MTIF3: variants seen among roughly 807,000 people sequenced by gnomAD.
MTIF3 encodes the protein translation initiation factor IF-3, mitochondrial.
A neutral mutation model predicts 20.7 loss-of-function variants in MTIF3; 13 were observed. The ratio of observed to expected loss-of-function variants is 0.63; its 90% CI spans 0.41 to 1.00. The LOEUF (loss-of-function observed/expected upper bound fraction) is 1.00, where lower values mean the gene tolerates loss of function less well. MTIF3 is among the 50% of genes least tolerant of loss of function. The probability of loss-of-function intolerance (pLI) is 0.00; values close to 1 mark genes in which losing one functional copy is unlikely to be tolerated. For synonymous variants in MTIF3, 114 were observed against 112.5 expected, an observed-to-expected ratio of 1.01 and a Z score of -0.08; for missense variants, 295 against 324.5, an observed-to-expected ratio of 0.91 and a Z score of 0.70.
chr13:27,438,130 A>G lies in MTIF3; in HGVS notation c.461-857T>C, dbSNP rs546239932. Among the ~76,000 whole-genome samples the G allele has an allele frequency of 3.9e-5, 6 of 152,264 alleles. No individual in the cohort carries two copies. In the East Asian group the frequency reaches 1.2e-3, roughly 29 times the overall value. On this transcript the variant is annotated intron_variant, in intron 3 of 4. Transcript: ENST00000381120. ...GGGAGGAGGTAGAGAAACTGCATAC[A>G]CTGCTGCTGAGCAGTTTGATCCATT...
In MTIF3 at chr13:27,446,656, G is replaced by A. The variant is rs576041480; in HGVS notation, c.-70-1500C>T. On this transcript the variant is annotated intron_variant, in intron 1 of 4. Transcript: ENST00000381120. ...TGTAATTTAATACATTGACATTCTG[G>A]CTTTGTACATAATTTTAAAAAATAT... Among the ~76,000 whole-genome samples the A allele has an allele frequency of 3.9e-5, 6 of 152,180 alleles. No homozygotes were observed. The South Asian group carries it at 8.3e-4, about 21-fold the overall frequency.
chr13:27,439,711 TCTTCA>T, intron 3 of MTIF3, among the ~76,000 whole-genome samples: 1 of 152,296 alleles, frequency 6.6e-6, no homozygotes, highest in African/African-American at 2.4e-5. Flanking sequence ...GAAAGAGTTC[TCTTCA>T]CTTTGGTTTG....
chr13:27,436,295 ACC>A (rs1953742211), intron 4 of MTIF3, among the ~76,000 whole-genome samples: 1 of 152,140 alleles, frequency 6.6e-6, no homozygotes, highest in Admixed American at 6.5e-5. Flanking sequence ...ACAAATGGAT[ACC>A]TGGGCTCAAG....
intron 2 of MTIF3, among the ~76,000 whole-genome samples, 168 bp downstream of exon 2, chr13:27,444,920 T>C (rs570737156): frequency 1.3e-5 from 2 of 152,344 alleles, no homozygotes; most frequent in African/African-American, 2.4e-5. Flanking sequence ...CTGGTCAATT[T>C]TGGTGTAATT....
chr13:27,438,483 GTTTTTTTT>G (rs61052475), intron 3 of MTIF3, among the ~76,000 whole-genome samples: 48,936 of 106,934 alleles, frequency 0.46, 11,435 homozygotes, highest in South Asian at 0.65. Flanking sequence ...GAGCAAGACT[GTTTTTTTT>G]TTTTTTTTTT....
At chr13:27,449,624 C>A (rs767414459) in intron 1 of MTIF3, among the ~76,000 whole-genome samples, 3 of 152,234 alleles carry the variant, frequency 2.0e-5, no homozygotes, top group Non-Finnish European at 4.4e-5. Context: ...ACACTGAATG[C>A]TTCTACAGTC....
rs745486576 is a variant in MTIF3, at chr13:27,440,296, A to G, written c.153T>C (p.His51=). Residue 51 remains histidine (H), a synonymous_variant, in exon 3 of 5, where the codon CAT becomes CAC. Transcript: ENST00000381120. ...CTTCAGCGGTACTAAAGGCTTTTGCATGAATTAGGAAGGAGAGTCTTGGGG... is the reference window on the plus strand; with the variant it reads ...CTTCAGCGGTACTAAAGGCTTTTGCGTGAATTAGGAAGGAGAGTCTTGGGG... ...ASAPRLSFLI[H]AKAFSTAEDT... The G allele has an allele frequency of 6.8e-6, 11 of 1,613,976 alleles. No homozygotes were observed. The Admixed American group carries it at 1.0e-4, about 15-fold the overall frequency.
intron 1 of MTIF3, among the ~76,000 whole-genome samples, chr13:27,448,718 C>G (rs1048837503): frequency 6.6e-6 from 1 of 152,182 alleles, no homozygotes; most frequent in Non-Finnish European, 1.5e-5. Context: ...AGCTTTTAAA[C>G]CCAGAGCTAA....
At chr13:27,436,817 T>A (rs78334317) in intron 4 of MTIF3, among the ~76,000 whole-genome samples, 19,545 of 141,912 alleles carry the variant, frequency 0.14, 1,696 homozygotes, top group Non-Finnish European at 0.19. Context: ...AGTGGCGCGA[T>A]CTCGGCTCAC....
chr13:27,436,820 C>T (rs1216043578), intron 4 of MTIF3, among the ~76,000 whole-genome samples: 6 of 134,416 alleles, frequency 4.5e-5, no homozygotes, highest in Non-Finnish European at 7.6e-5. Context: ...GGCGCGATCT[C>T]GGCTCACTGC....
intron 4 of MTIF3, among the ~76,000 whole-genome samples, chr13:27,436,560 T>C (rs1953761727): frequency 1.3e-5 from 2 of 152,140 alleles, no homozygotes; most frequent in South Asian, 2.1e-4. Context: ...TTAAGGGTTA[T>C]TCTACAATTT....
chr13:27,439,440 G>A (rs939394450), intron 3 of MTIF3, among the ~76,000 whole-genome samples: 2 of 152,314 alleles, frequency 1.3e-5, no homozygotes, highest in Non-Finnish European at 2.9e-5. Flanking sequence ...AGGTTGCAGT[G>A]AGCACACATC....
At chr13:27,448,777 C>T (rs4771123) in intron 1 of MTIF3, among the ~76,000 whole-genome samples, 30,328 of 152,232 alleles carry the variant, frequency 0.2, 3,469 homozygotes, top group Non-Finnish European at 0.26. Context: ...GTGGCTCACG[C>T]CTGTAATCCC....
chr13:27,443,102 CATT>C (rs1376938808), intron 2 of MTIF3, among the ~76,000 whole-genome samples: 2 of 152,248 alleles, frequency 1.3e-5, no homozygotes, highest in Non-Finnish European at 2.9e-5. Context: ...ACACCCTTCA[CATT>C]TCTAGCTGGC....
At chr13:27,446,500 C>G (rs1023713441) in intron 1 of MTIF3, among the ~76,000 whole-genome samples, 1 of 152,300 alleles carries the variant, frequency 6.6e-6, no homozygotes. Context: ...TTTGCTAAAT[C>G]TAGGTTATGG....
chr13:27,449,253 G>A (rs371517258), intron 1 of MTIF3, among the ~76,000 whole-genome samples: 40 of 152,072 alleles, frequency 2.6e-4, no homozygotes, highest in African/African-American at 9.6e-4. Context: ...AGTCCTCTCC[G>A]TATCCACTGT....
At chr13:27,437,514 G>A (rs913482358) in intron 3 of MTIF3, among the ~76,000 whole-genome samples, 3 of 152,182 alleles carry the variant, frequency 2.0e-5, no homozygotes, top group Non-Finnish European at 2.9e-5. Context: ...GTTAACCATC[G>A]TTTGTTGAAA....
chr13:27,440,413 T>C lies in MTIF3; in HGVS notation c.36A>G (p.Gln12=), dbSNP rs932750445. 7.4e-6 allele frequency: 12 copies of C among 1,613,150 alleles called. No individual in the cohort carries two copies. The highest frequency in any genetic ancestry group is 4.0e-5 in the African/African-American group (3 of 74,870). ...TGCAACTATTTTCAGACTTTACAGTTTGTAGTGTTAACCTCTTTAGAAAAA... is the reference window on the plus strand; with the variant it reads ...TGCAACTATTTTCAGACTTTACAGTCTGTAGTGTTAACCTCTTTAGAAAAA... The part of the protein sequence containing the change: ...AALFLKRLTL[Q]TVKSENSCIR... Residue 12 remains glutamine (Q), a synonymous_variant, in exon 3 of 5, where the codon CAA becomes CAG. Coordinates refer to ENST00000381120, the MANE Select transcript of MTIF3 (RefSeq NM_152912.5).
At position 27,439,997 on chromosome 13, in the gene MTIF3, G is replaced by C. The variant is rs1465724377; in HGVS notation, c.452C>G (p.Pro151Arg). Residue 151 changes from proline (P) to arginine (R), a missense_variant, in exon 3 of 5, where the codon CCC (proline) becomes CGC (arginine). Physicochemically the swap from Pro to Arg is moderately radical, Grantham distance 103. Coordinates refer to ENST00000381120, the MANE Select transcript of MTIF3 (RefSeq NM_152912.5). ...AACAGCAAAATACCTACCAGTTTTGGGGTTCGCCTTCTCCATCTCCCTCAG... is the reference window on the plus strand; with the variant it reads ...AACAGCAAAATACCTACCAGTTTTGCGGTTCGCCTTCTCCATCTCCCTCAG... ...QRLREMEKAN[P>R]KTGPTLRKEL... 1 of 1,613,030 alleles carries C rather than the reference G, an allele frequency of 6.2e-7. No homozygotes were observed. The highest frequency in any genetic ancestry group is 1.7e-5 in the Admixed American group (1 of 59,968).
Sources: gnomAD v4.1 joint callset for allele counts (sites outside exome capture counted in the v4.1 genomes callset) on GRCh38, gnomAD v4.1.1 for gene constraint, MANE v1.5 for transcripts, NCBI Gene and HGNC (gene_info 2026-07-23, HGNC 2026-07-21) for gene names.